The following DLG2 variants were observed in gnomAD, a reference collection of about 807,000 sequenced individuals.
DLG2 encodes the protein discs large MAGUK scaffold protein 2.
Under a neutral mutation model 132.5 loss-of-function variants are expected in DLG2, and 45 were observed. That is an observed-to-expected ratio of 0.34 (90% CI 0.27 to 0.44). DLG2 has a LOEUF of 0.44. Ranked by LOEUF, DLG2 falls within the 20% of genes least tolerant of loss-of-function variation. DLG2 has a pLI of 1.00. For missense variants in DLG2, 1,045 were observed against 1,196.9 expected, an observed-to-expected ratio of 0.87 and a Z score of 1.87; for synonymous variants, 424 against 419.6, an observed-to-expected ratio of 1.01 and a Z score of -0.13.
At chr11:85,050,118 T>TTA (rs1555352617) in intron 6 of DLG2, among the ~76,000 whole-genome samples, 1 of 136,738 alleles carries the variant, frequency 7.3e-6, no homozygotes, top group African/African-American at 2.7e-5. Context: ...CACTGTGTCA[T>TTA]CACACACACA....
At chr11:84,546,382 A>G (rs116579720) in intron 6 of DLG2, 345 of 195,690 alleles carry the variant, frequency 1.8e-3, no homozygotes, top group African/African-American at 7.6e-3. Context: ...CGGAAGCCCA[A>G]CAGAGGCCAG....
intron 15 of DLG2, among the ~76,000 whole-genome samples, chr11:83,888,681 G>C (rs76750137): frequency 0.085 from 12,992 of 152,040 alleles, 763 homozygotes; most frequent in Non-Finnish European, 0.13. Flanking sequence ...GAGGCATCAC[G>C]TTACCTGACT....
intron 26 of DLG2, among the ~76,000 whole-genome samples, chr11:83,463,213 C>T (rs577808975): frequency 6.6e-5 from 10 of 151,866 alleles, no homozygotes; most frequent in African/African-American, 2.4e-4. Flanking sequence ...AGTTAGACTT[C>T]CTATTATACC....
At chr11:84,941,842 G>A (rs1425359858) in intron 6 of DLG2, among the ~76,000 whole-genome samples, 2 of 151,884 alleles carry the variant, frequency 1.3e-5, no homozygotes, top group African/African-American at 4.8e-5. Context: ...CAAATATCTG[G>A]TAAAAATTTA....
intron 12 of DLG2, among the ~76,000 whole-genome samples, chr11:83,969,953 T>G (rs1305351540): frequency 6.6e-6 from 1 of 150,656 alleles, no homozygotes; most frequent in Admixed American, 6.6e-5. Flanking sequence ...AAAAAAAGAT[T>G]GCCTAAGGCA....
intron 7 of DLG2, among the ~76,000 whole-genome samples, chr11:84,263,898 T>C (rs1033822606): frequency 1.3e-5 from 2 of 152,220 alleles, no homozygotes; most frequent in African/African-American, 4.8e-5. Context: ...GCCTGGAGGA[T>C]GTTCCAAGAC....
chr11:84,614,873 A>G (rs1312862887), intron 6 of DLG2, among the ~76,000 whole-genome samples: 4 of 152,128 alleles, frequency 2.6e-5, no homozygotes, highest in African/African-American at 9.7e-5. Flanking sequence ...AGTTACATCA[A>G]TTGTGCTATA....
intron 6 of DLG2, among the ~76,000 whole-genome samples, chr11:84,664,922 G>A (rs917970499): frequency 2.6e-5 from 4 of 151,932 alleles, no homozygotes; most frequent in Non-Finnish European, 4.4e-5. Flanking sequence ...GTTTGGCCAC[G>A]GTATATGCTT....
chr11:85,409,818 A>C (rs555560411), intron 3 of DLG2, among the ~76,000 whole-genome samples: 72 of 151,992 alleles, frequency 4.7e-4, no homozygotes, highest in Non-Finnish European at 8.7e-4. Flanking sequence ...GAAGTACTTA[A>C]AACTCAGAAC....
At chr11:84,474,117 C>T (rs558274470) in intron 7 of DLG2, among the ~76,000 whole-genome samples, 47 of 152,092 alleles carry the variant, frequency 3.1e-4, no homozygotes, top group Admixed American at 2.9e-3. Context: ...TCAACATCAC[C>T]TTTCTCACAA....
At chr11:84,010,293 G>GTATCATTAT (rs1555255272) in intron 11 of DLG2, among the ~76,000 whole-genome samples, 1 of 147,482 alleles carries the variant, frequency 6.8e-6, no homozygotes. Context: ...CATTTTAATT[G>GTATCATTAT]TATTATTATT....
At chr11:85,434,406 T>TAAAA (rs1020436408) in intron 3 of DLG2, among the ~76,000 whole-genome samples, 6 of 149,752 alleles carry the variant, frequency 4.0e-5, no homozygotes, top group African/African-American at 4.9e-5. Context: ...GAAAAAATTT[T>TAAAA]AAAAAAAAAA....
chr11:84,110,172 TA>T (rs535936944), intron 9 of DLG2, among the ~76,000 whole-genome samples: 120 of 152,060 alleles, frequency 7.9e-4, no homozygotes, highest in Middle Eastern at 3.4e-3. Flanking sequence ...CCAGGAGAGG[TA>T]AAACAACAGA....
chr11:84,042,371 T>A (rs1313680511), intron 11 of DLG2, among the ~76,000 whole-genome samples: 3 of 151,882 alleles, frequency 2.0e-5, no homozygotes, highest in Admixed American at 2.0e-4. Context: ...CTCATTATTG[T>A]TCTTTTTATA....
intron 4 of DLG2, among the ~76,000 whole-genome samples, chr11:85,159,119 C>G (rs910248213): frequency 3.3e-5 from 5 of 152,160 alleles, no homozygotes; most frequent in African/African-American, 1.2e-4. Context: ...GGAAAATGTT[C>G]AGACAGTTCA....
At chr11:84,503,451 T>C (rs1390360013) in intron 7 of DLG2, among the ~76,000 whole-genome samples, 1 of 152,172 alleles carries the variant, frequency 6.6e-6, no homozygotes, top group Admixed American at 6.5e-5. Context: ...TTAAACTGTT[T>C]CTAACACAGC....
In DLG2 at chr11:84,611,058, C is replaced by CACAT. The variant is rs767598104; in HGVS notation, c.358-76328_358-76327insATGT. On this transcript the variant is annotated intron_variant, in intron 6 of 27. Transcript: ENST00000376104. ...ACACACACACACACACACACACACACACACACACTATATGTTTCCCAATGG... is the reference window on the plus strand; with the variant it reads ...ACACACACACACACACACACACACACACATACACACACTATATGTTTCCCAATGG... Among the ~76,000 whole-genome samples the CACAT allele has an allele frequency of 1.6e-4, 24 of 151,646 alleles. No homozygotes were observed. The South Asian group carries it at 5.0e-3, about 32-fold the overall frequency.
chr11:84,606,879 C>A (rs546665752), intron 6 of DLG2, among the ~76,000 whole-genome samples: 1 of 152,112 alleles, frequency 6.6e-6, no homozygotes, highest in African/African-American at 2.4e-5. Context: ...TCCCTTCCCC[C>A]CTGGAAAATC....
intron 6 of DLG2, among the ~76,000 whole-genome samples, chr11:84,547,443 A>G (rs987566072): frequency 6.6e-6 from 1 of 152,084 alleles, no homozygotes; most frequent in African/African-American, 2.4e-5. Flanking sequence ...GCACTTTTGT[A>G]TGCAAAAAGA....
Sources: allele counts gnomAD v4.1 joint callset (sites outside exome capture counted in the v4.1 genomes callset), GRCh38; gene constraint gnomAD v4.1.1; transcripts MANE v1.5; gene names NCBI Gene and HGNC (gene_info 2026-07-23, HGNC 2026-07-21).